Variants in ZNF596 observed in about 807,000 individuals in gnomAD.
ZNF596 encodes zinc finger protein 596.
A neutral mutation model predicts 48.3 loss-of-function variants in ZNF596; 45 were observed. The observed-to-expected ratio is 0.93, with a 90% CI of 0.73 to 1.19. The LOEUF is 1.19. Ranked by LOEUF, ZNF596 falls within the 50% of genes most tolerant of loss-of-function variation. ZNF596 has a pLI of 0.00. For missense variants in ZNF596, 848 were observed against 599.7 expected (o/e 1.41, Z -4.32); for synonymous variants, 270 against 202.0 (o/e 1.34, Z -2.85).
rs777166185 is a variant in ZNF596 at position 245,419 on chromosome 8, G to C, written c.572G>C (p.Arg191Thr). The stretch of plus-strand genomic sequence containing the variant: ...AGACCACACAGTGTGACTCACACTA[G>C]AGAGATAACATTGGAATGTCGTGTG... The part of the protein sequence containing the change: ...ALRPHSVTHT[R>T]EITLECRVCG... The change falls in exon 6 of 6, where the codon AGA becomes ACA. Residue 191 changes from arginine (R) to threonine (T), a missense_variant. Physicochemically the swap from Arg to Thr is moderately conservative, Grantham distance 71. Transcript: ENST00000398612. 13 of 1,614,172 alleles carry C rather than the reference G, an allele frequency of 8.1e-6. No homozygotes were observed. The Middle Eastern group carries it at 4.9e-4, about 61-fold the overall frequency.
At position 241,082 on chromosome 8, in the gene ZNF596, T is replaced by G. The variant is rs115857127; in HGVS notation, c.12+175T>G. Among the ~76,000 whole-genome samples, 789 of 152,304 alleles carry G rather than the reference T, an allele frequency of 5.2e-3. 6 individuals are homozygous for G. The highest frequency in any genetic ancestry group is 0.018 in the African/African-American group (732 of 41,566). On this transcript the variant is annotated intron_variant, in intron 2 of 5. Coordinates refer to ENST00000398612, the MANE Select transcript of ZNF596 (RefSeq NM_001042416.3). ...CTCAAAGAGTCATCAAGAAGTAATG[T>G]CCTTTCAACAGTACACTAAGGCATT...
chr8:243,158 C>A, intron 3 of ZNF596, 145 bp downstream of exon 3: 1 of 619,784 alleles, frequency 1.6e-6, no homozygotes, highest in Non-Finnish European at 2.5e-6. Flanking sequence ...TTTCATAACT[C>A]TCACAATTAC....
rs1333061580 is a variant in ZNF596 at position 243,775 on chromosome 8, C to T, written c.193C>T (p.Leu65Phe). 1.9e-6 allele frequency: 3 copies of T among 1,613,606 alleles called. No homozygotes were observed. The highest frequency in any genetic ancestry group is 1.3e-5 in the African/African-American group (1 of 74,900). ...VLSQLEQVEK[L>F]STQRISLLQG... ...TTCCCAATTGGAGCAAGTAGAGAAA[C>T]TTTCAACACAAAGAATAAGCTTACT... Residue 65 changes from leucine to phenylalanine, a missense_variant, in exon 4 of 6, where the codon CTT becomes TTT. Leu to Phe is a conservative substitution (Grantham distance 22, BLOSUM62 0). Transcript: ENST00000398612.
Position 234,029 on chromosome 8 carries a change from C to G in ZNF596, c.-73+1335C>G, listed in dbSNP as rs193122534. The stretch of plus-strand genomic sequence containing the variant: ...CACAAGGCAGTGGACAGGGAAAGAG[C>G]AAGACTTTATAAAGTAAGCACACAA... On this transcript the variant is annotated intron_variant, in intron 1 of 5. Coordinates refer to ENST00000398612, the MANE Select transcript of ZNF596 (RefSeq NM_001042416.3). 3.9e-5 allele frequency among the ~76,000 whole-genome samples: 6 copies of G among 152,220 alleles called. 1 individual carries two copies. The East Asian group carries it at 5.8e-4, about 15-fold the overall frequency.
chr8:242,915 T>C lies in ZNF596; in HGVS notation c.41T>C (p.Val14Ala). 6.3e-7 allele frequency: 1 copy of C among 1,592,098 alleles called. No individual in the cohort carries two copies. Among genetic ancestry groups the C allele is most frequent in the East Asian group, 2.3e-5 (1 of 44,332 alleles). The change falls in exon 3 of 6, where the codon GTA becomes GCA. Residue 14 changes from valine to alanine, a missense_variant. Transcript: ENST00000398612. ...PDSMTFEDII[V>A]DFTQEEWALL... ...TCCATGACCTTCGAGGATATCATTG[T>C]AGACTTCACTCAAGAAGAGTGGGCC...
At chr8:239,238 G>C (rs372722118) in intron 1 of ZNF596, among the ~76,000 whole-genome samples, 1 of 152,198 alleles carries the variant, frequency 6.6e-6, no homozygotes, top group South Asian at 2.1e-4. Context: ...ACCCAGGCTG[G>C]AGTGCAGTGG....
chr8:237,840 A>T (rs1796680776), intron 1 of ZNF596, among the ~76,000 whole-genome samples: 1 of 152,258 alleles, frequency 6.6e-6, no homozygotes, highest in Non-Finnish European at 1.5e-5. Flanking sequence ...AAAAACATAC[A>T]TTAAGCCCCT....
At chr8:236,089 G>A (rs571690179) in intron 1 of ZNF596, among the ~76,000 whole-genome samples, 20 of 151,856 alleles carry the variant, frequency 1.3e-4, no homozygotes, top group Non-Finnish European at 2.6e-4. Flanking sequence ...GGATTTTCAG[G>A]CTTTATTCAT....
intron 1 of ZNF596, chr8:240,474 C>G: frequency 5.4e-6 from 1 of 183,820 alleles, no homozygotes; most frequent in Non-Finnish European, 1.1e-5. Context: ...ATAATTAAAT[C>G]TGAGAAATTC....
Position 244,714 on chromosome 8 carries a change from G to T in ZNF596, c.306+13G>T, listed in dbSNP as rs1450517095. On this transcript the variant is annotated intron_variant, in intron 5 of 5. Transcript: ENST00000398612. The stretch of plus-strand genomic sequence containing the variant: ...CATCAGCACAATGGTAAGCTTTATG[G>T]ATGCAAACCCTGTTCTTACATATAG... The T allele has an allele frequency of 1.1e-5, 17 of 1,602,738 alleles. No individual in the cohort carries two copies. Among genetic ancestry groups the T allele is most frequent in the Non-Finnish European group, 1.4e-5 (17 of 1,173,214 alleles).
intron 4 of ZNF596, 33 bp downstream of exon 4, chr8:243,838 G>C: frequency 6.3e-7 from 1 of 1,588,272 alleles, no homozygotes; most frequent in Non-Finnish European, 8.6e-7. Flanking sequence ...TCAATAGGAG[G>C]AGGAGAAACA....
At chr8:236,381 T>C (rs1334737585) in intron 1 of ZNF596, among the ~76,000 whole-genome samples, 1 of 152,230 alleles carries the variant, frequency 6.6e-6, no homozygotes, top group African/African-American at 2.4e-5. Flanking sequence ...GTTGCAGCTC[T>C]TTGACTCCAT....
Position 245,484 on chromosome 8 carries a change from C to T in ZNF596, c.637C>T (p.His213Tyr). Reference protein sequence around the residue: ...TFSKNSNLRRHEMIHTGEKPH... With the variant: ...TFSKNSNLRRYEMIHTGEKPH... ...TAGCAAAAATTCTAATCTTAGGCGA[C>T]ATGAGATGATTCACACTGGAGAGAA... Residue 213 changes from histidine (H) to tyrosine (Y), a missense_variant, in exon 6 of 6, where the codon CAT (histidine) becomes TAT (tyrosine). By Grantham distance (83) the His-to-Tyr change is moderately conservative (BLOSUM62 2). Coordinates refer to ENST00000398612, the MANE Select transcript of ZNF596 (RefSeq NM_001042416.3). 6 of 1,614,182 alleles carry T rather than the reference C, an allele frequency of 3.7e-6. No homozygotes were observed. Among genetic ancestry groups the T allele is most frequent in the Non-Finnish European group, 5.1e-6 (6 of 1,180,028 alleles).
At chr8:236,941 C>T (rs1796641109) in intron 1 of ZNF596, 1 of 152,148 alleles carries the variant, frequency 6.6e-6, no homozygotes, top group Non-Finnish European at 1.5e-5. Flanking sequence ...TTATTTTTCT[C>T]CTTCAAAATA....
chr8:232,394 T>A (rs1210014436), upstream of ZNF596: 1 of 191,538 alleles, frequency 5.2e-6, no homozygotes, highest in Non-Finnish European at 1.2e-5. Flanking sequence ...AAACGGATTC[T>A]CCGGAGCCGA....
chr8:245,581 A>C lies in ZNF596; in HGVS notation c.734A>C (p.His245Pro), dbSNP rs1797037923. The C allele has an allele frequency of 6.2e-7, 1 of 1,614,008 alleles. No individual in the cohort carries two copies. Among genetic ancestry groups the C allele is most frequent in the South Asian group, 1.1e-5 (1 of 91,072 alleles). ...GATCTTCGAAAACATGAGAGAACTC[A>C]CACTGGAGAGAAGCCATATGGATGT... is the stretch of plus-strand genomic sequence containing the variant. ...CSDLRKHERT[H>P]TGEKPYGCHL... is the part of the protein sequence containing the mutation. Residue 245 changes from histidine (H) to proline (P), a missense_variant, in exon 6 of 6, where the codon CAC becomes CCC. Coordinates refer to ENST00000398612, the MANE Select transcript of ZNF596 (RefSeq NM_001042416.3).
chr8:236,585 GATTTTTAAAGATTTTATATT>G (rs1219806407), intron 1 of ZNF596, among the ~76,000 whole-genome samples: 1 of 151,996 alleles, frequency 6.6e-6, no homozygotes, highest in African/African-American at 2.4e-5. Context: ...AATTTGGTAT[GATTTTTAAAGATTTTATATT>G]ATTTTTAAAG....
chr8:244,642 C>G lies in ZNF596; in HGVS notation c.247C>G (p.Gln83Glu), dbSNP rs1280269716. The G allele has an allele frequency of 3.7e-6, 6 of 1,612,250 alleles. No homozygotes were observed. Among genetic ancestry groups the G allele is most frequent in the Non-Finnish European group, 5.1e-6 (6 of 1,179,114 alleles). Residue 83 changes from glutamine to glutamate, a missense_variant, in exon 5 of 6, where the codon CAA becomes GAA. Coordinates refer to ENST00000398612, the MANE Select transcript of ZNF596 (RefSeq NM_001042416.3). ...AGGTAGAGAAGTTGGCATTAAACAT[C>G]AAGAGATACCATTCATTCAACATAT... The part of the protein sequence containing the change: ...LQGREVGIKH[Q>E]EIPFIQHIYQ...
rs1038877692 is a variant in ZNF596 at position 235,965 on chromosome 8, A to G, written c.-73+3271A>G. ...CAAAATTTAGACAAAATTGACTTTT[A>G]GACTAATTCTCATTTTTTACATGTA... On this transcript the variant is annotated intron_variant, in intron 1 of 5. Coordinates refer to ENST00000398612, the MANE Select transcript of ZNF596 (RefSeq NM_001042416.3). 8.2e-4 allele frequency among the ~76,000 whole-genome samples: 125 copies of G among 152,156 alleles called. 5 individuals carry two copies. Among genetic ancestry groups the G allele is most frequent in the Non-Finnish European group, 5.4e-4 (37 of 68,016 alleles).
Sources: gnomAD v4.1 joint callset for allele counts (sites outside exome capture counted in the v4.1 genomes callset) on GRCh38, gnomAD v4.1.1 for gene constraint, MANE v1.5 for transcripts, NCBI Gene and HGNC (gene_info 2026-07-23, HGNC 2026-07-21) for gene names.